TBCD: variants seen among roughly 807,000 people sequenced by gnomAD.
TBCD encodes tubulin-specific chaperone D.
A neutral mutation model predicts 169.3 loss-of-function variants in TBCD; 105 were observed. The observed-to-expected ratio is 0.62, with a 90% CI of 0.53 to 0.73. The LOEUF (loss-of-function observed/expected upper bound fraction) is 0.73, where lower values mean the gene tolerates loss of function less well. Ranked by LOEUF, TBCD falls within the 30% of genes least tolerant of loss-of-function variation. The pLI is 0.00. For missense variants in TBCD, 1,444 were observed against 1,600.1 expected, an observed-to-expected ratio of 0.90 and a Z score of 1.66; for synonymous variants, 700 against 643.9, an observed-to-expected ratio of 1.09 and a Z score of -1.32.
rs1167064364 is a variant in TBCD, at chr17:82,874,503, G to T, written c.1475+4123G>T. On this transcript the variant is annotated intron_variant, in intron 14 of 38. Coordinates refer to ENST00000355528, the MANE Select transcript of TBCD (RefSeq NM_005993.5). This position sits in a 1 kb window ranked among gnomAD's most constrained non-coding sequence, Gnocchi z 5.0. ...GGCTCGCAGCTCACAGGCTTCTGAC[G>T]CCTCAGCCTGGAGCTGGCGTTGTGC... Among the ~76,000 whole-genome samples, 1 of 152,064 alleles carries T rather than the reference G, an allele frequency of 6.6e-6. No homozygotes were observed. The highest frequency in any genetic ancestry group is 1.5e-5 in the Non-Finnish European group (1 of 67,988).
chr17:82,859,175 G>A (rs1426076775), intron 13 of TBCD, among the ~76,000 whole-genome samples: 4 of 151,454 alleles, frequency 2.6e-5, no homozygotes, highest in African/African-American at 7.3e-5. Flanking sequence ...GGAGTCTTGT[G>A]GGTCGTCTGG....
At chr17:82,845,808 C>A (rs796161923) in intron 13 of TBCD, among the ~76,000 whole-genome samples, 133 of 152,368 alleles carry the variant, frequency 8.7e-4, no homozygotes, top group African/African-American at 3.2e-3. Flanking sequence ...GTGAGCATCT[C>A]TCACAGAACA....
chr17:82,889,171 CT>C lies in TBCD; in HGVS notation c.1534-493del, dbSNP rs2058956158. On this transcript the variant is annotated intron_variant, in intron 15 of 38. Transcript: ENST00000355528. This position sits in a 1 kb window ranked among gnomAD's most constrained non-coding sequence, Gnocchi z 5.3. ...ATCCTGTTGAAGTTCACATTTTGAC[CT>C]TTTCAGCAGCCCTTGCTCTGGGCCT... Among the ~76,000 whole-genome samples the C allele has an allele frequency of 6.6e-6, 1 of 152,186 alleles. No individual in the cohort carries two copies. Among genetic ancestry groups the C allele is most frequent in the Admixed American group, 6.5e-5 (1 of 15,282 alleles).
rs1391639022 is a variant in TBCD, at chr17:82,874,534, G to T, written c.1475+4154G>T. On this transcript the variant is annotated intron_variant, in intron 14 of 38. Transcript: ENST00000355528. The surrounding 1 kb of genome is among the most constrained non-coding windows in gnomAD (Gnocchi z 5.0). ...GCCTGGAGCTGGCGTTGTGCCCCTC[G>T]CCCCTTTACCTGTGCCATCCCGGCC... Among the ~76,000 whole-genome samples, 1 of 152,198 alleles carries T rather than the reference G, an allele frequency of 6.6e-6. No homozygotes were observed. Among genetic ancestry groups the T allele is most frequent in the Admixed American group, 6.5e-5 (1 of 15,296 alleles).
chr17:82,927,989 G>A lies in TBCD; in HGVS notation c.2693+1G>A, dbSNP rs779861227. ...AGCCTGAGCTGATCGAGGCCCATAC[G>A]TGAGTGTCACGTCGCAGCTCTTCTG... On this transcript the variant is annotated splice_donor_variant, in intron 30 of 38. Coordinates refer to ENST00000355528, the MANE Select transcript of TBCD (RefSeq NM_005993.5). LOFTEE classifies it high-confidence loss of function. 4 of 1,609,502 alleles carry A rather than the reference G, an allele frequency of 2.5e-6. No homozygotes were observed. Among genetic ancestry groups the A allele is most frequent in the Non-Finnish European group, 3.4e-6 (4 of 1,179,108 alleles).
intron 13 of TBCD, chr17:82,830,801 G>A: frequency 5.0e-6 from 8 of 1,613,552 alleles, no homozygotes; most frequent in Non-Finnish European, 6.8e-6. Flanking sequence ...CTGTCGTCCG[G>A]ACTGGAAGGC....
intron 13 of TBCD, among the ~76,000 whole-genome samples, chr17:82,816,686 A>G (rs1259930408): frequency 6.6e-6 from 1 of 150,944 alleles, no homozygotes; most frequent in Non-Finnish European, 1.5e-5. Flanking sequence ...GGTGCCCACC[A>G]CCATGCCACA....
chr17:82,937,456 A>G (rs957998443), intron 35 of TBCD, 96 bp downstream of exon 35: 1 of 1,076,274 alleles, frequency 9.3e-7, no homozygotes, highest in Non-Finnish European at 1.4e-6. Context: ...GGAGAGGAGC[A>G]GTTAGTGTTA....
chr17:82,808,421 CGGGGGCAGTAGGTGT>C (rs2051149960), intron 11 of TBCD, among the ~76,000 whole-genome samples: 1 of 60,988 alleles, frequency 1.6e-5, no homozygotes, highest in African/African-American at 7.0e-5. Flanking sequence ...GAGGCAGGTG[CGGGGGCAGTAGGTGT>C]TGAGGTGGGG....
intron 7 of TBCD, among the ~76,000 whole-genome samples, chr17:82,784,133 A>C (rs1568127500): frequency 6.6e-6 from 1 of 152,078 alleles, no homozygotes; most frequent in Non-Finnish European, 1.5e-5. Context: ...GAAAAAAAAA[A>C]CAGAAAAAAC....
chr17:82,766,415 C>G (rs760890378), intron 4 of TBCD, 47 bp downstream of exon 4: 11 of 1,431,840 alleles, frequency 7.7e-6, no homozygotes, highest in Non-Finnish European at 1.1e-5. Flanking sequence ...CCGTGCCTGT[C>G]CTTCCTCCCT....
At chr17:82,792,856 G>A (rs982063995) in intron 7 of TBCD, among the ~76,000 whole-genome samples, 5 of 151,948 alleles carry the variant, frequency 3.3e-5, no homozygotes, top group Admixed American at 6.6e-5. Context: ...TCCACCTCCC[G>A]GGCTGAAGTC....
intron 17 of TBCD, 42 bp downstream of exon 17, chr17:82,893,674 A>G (rs927771140): frequency 7.2e-7 from 1 of 1,393,004 alleles, no homozygotes; most frequent in African/African-American, 1.4e-5. Flanking sequence ...ATACTCTAAA[A>G]TCAGATTGGA....
intron 13 of TBCD, among the ~76,000 whole-genome samples, chr17:82,844,687 A>G (rs1179887601): frequency 1.3e-5 from 2 of 152,160 alleles, no homozygotes; most frequent in Non-Finnish European, 2.9e-5. Context: ...TTGAAAAAAG[A>G]AAATGGTCCG....
intron 7 of TBCD, among the ~76,000 whole-genome samples, chr17:82,796,685 C>T (rs138318183): frequency 9.2e-5 from 14 of 152,332 alleles, no homozygotes; most frequent in African/African-American, 3.1e-4. Context: ...GACTGGTGGT[C>T]TGTGTGCCTT....
rs191634181 is a variant in TBCD at position 82,907,734 on chromosome 17, T to G, written c.1923-27T>G. On this transcript the variant is annotated intron_variant, in intron 20 of 38. Coordinates refer to ENST00000355528, the MANE Select transcript of TBCD (RefSeq NM_005993.5). ...GGGTTAGGGTCTTGGGGAGTGTGACTTCAGCTCTGTGTTTGAACTTCTGCA... is the reference window on the plus strand; with the variant it reads ...GGGTTAGGGTCTTGGGGAGTGTGACGTCAGCTCTGTGTTTGAACTTCTGCA... 7 of 1,613,184 alleles carry G rather than the reference T, an allele frequency of 4.3e-6. 1 individual carries two copies. In the South Asian group the frequency reaches 7.7e-5, roughly 18 times the overall value.
In TBCD at chr17:82,782,154, G is replaced by A. The variant is rs2048988542; in HGVS notation, c.771+433G>A. ...CTGCTTCGTTGGGACACAGACCCTGGCCTCTGCCTGCAGGTGCCTGGTTAG... is the reference window on the plus strand; with the variant it reads ...CTGCTTCGTTGGGACACAGACCCTGACCTCTGCCTGCAGGTGCCTGGTTAG... On this transcript the variant is annotated intron_variant, in intron 7 of 38. Coordinates refer to ENST00000355528, the MANE Select transcript of TBCD (RefSeq NM_005993.5). This position sits in a 1 kb window ranked among gnomAD's most constrained non-coding sequence, Gnocchi z 5.1. Among the ~76,000 whole-genome samples, 1 of 152,220 alleles carries A rather than the reference G, an allele frequency of 6.6e-6. No individual in the cohort carries two copies. Among genetic ancestry groups the A allele is most frequent in the African/African-American group, 2.4e-5 (1 of 41,448 alleles).
chr17:82,855,993 C>CCTTTTTTTTTTTTTTTTT (rs373747821), intron 13 of TBCD, among the ~76,000 whole-genome samples: 1 of 66,270 alleles, frequency 1.5e-5, no homozygotes, highest in African/African-American at 7.0e-5. Context: ...TCCCCCCCCA[C>CCTTTTTTTTTTTTTTTTT]TTTTTTTTTT....
Position 82,831,018 on chromosome 17 carries a change from C to T in TBCD, c.1318+16084C>T. 6.2e-7 allele frequency: 1 copy of T among 1,614,094 alleles called. No individual in the cohort carries two copies. The highest frequency in any genetic ancestry group is 8.5e-7 in the Non-Finnish European group (1 of 1,180,036). On this transcript the variant is annotated intron_variant, in intron 13 of 38. Transcript: ENST00000355528. This position sits in a 1 kb window ranked among gnomAD's most constrained non-coding sequence, Gnocchi z 4.6. ...AGGTTTTGAAAATGACATTTTCTTA[C>T]CTTACTGGAGACTCTGCTGTGGTCT...
Sources: gnomAD v4.1 joint callset for allele counts (sites outside exome capture counted in the v4.1 genomes callset) on GRCh38, gnomAD v4.1.1 for gene constraint, Gnocchi (gnomAD v3.1) non-coding constraint, MANE v1.5 for transcripts, NCBI Gene and HGNC (gene_info 2026-07-23, HGNC 2026-07-21) for gene names.